Variants in BTAF1 observed in about 807,000 individuals in gnomAD.
BTAF1 encodes TATA-binding protein-associated factor 172.
A neutral mutation model predicts 227.1 loss-of-function variants in BTAF1; 38 were observed. The ratio of observed to expected loss-of-function variants is 0.17; its 90% CI spans 0.13 to 0.22. The LOEUF (loss-of-function observed/expected upper bound fraction) is 0.22. Among genes scored for constraint, BTAF1 ranks in the 10% least tolerant of loss-of-function variants. The pLI is 1.00. For missense variants in BTAF1, 1,598 were observed against 2,204.0 expected, an observed-to-expected ratio of 0.73 and a Z score of 5.51; for synonymous variants, 742 against 751.9, an observed-to-expected ratio of 0.99 and a Z score of 0.21.
chr10:92,021,762 T>G (rs995964591), intron 34 of BTAF1, among the ~76,000 whole-genome samples: 4 of 152,032 alleles, frequency 2.6e-5, no homozygotes, highest in African/African-American at 9.7e-5. Flanking sequence ...GCCAGGATGG[T>G]CTCGCTCTCC....
chr10:92,004,829 C>T (rs1849771503), intron 25 of BTAF1, among the ~76,000 whole-genome samples: 1 of 152,070 alleles, frequency 6.6e-6, no homozygotes, highest in Non-Finnish European at 1.5e-5. Context: ...TTGTCCAGAC[C>T]AGTGTCAAAA....
intron 1 of BTAF1, among the ~76,000 whole-genome samples, chr10:91,925,659 C>T (rs1239092171): frequency 6.6e-6 from 1 of 151,962 alleles, no homozygotes; most frequent in East Asian, 1.9e-4. Context: ...CCACAGGCAC[C>T]CGCCACCACA....
At chr10:92,009,871 T>C (rs564186194) in intron 28 of BTAF1, among the ~76,000 whole-genome samples, 1 of 152,344 alleles carries the variant, frequency 6.6e-6, no homozygotes, top group East Asian at 1.9e-4. Context: ...TGGAAGCTCA[T>C]TGATTTCAGC....
intron 1 of BTAF1, among the ~76,000 whole-genome samples, chr10:91,932,843 A>T (rs1475786287): frequency 1.3e-5 from 2 of 152,230 alleles, no homozygotes; most frequent in Admixed American, 6.5e-5. Flanking sequence ...AGCACATTTT[A>T]TTCTCTTGTT....
intron 14 of BTAF1, among the ~76,000 whole-genome samples, chr10:91,973,125 T>G (rs1293724235): frequency 1.3e-5 from 2 of 152,218 alleles, no homozygotes; most frequent in African/African-American, 4.8e-5. Flanking sequence ...TCCTAATTAG[T>G]CAGCAATCCT....
Position 92,030,059 on chromosome 10 carries a change from C to T in BTAF1, c.*1126C>T, listed in dbSNP as rs1851798382. 6.6e-6 allele frequency: 1 copy of T among 152,328 alleles called. No individual in the cohort carries two copies. Among genetic ancestry groups the T allele is most frequent in the Non-Finnish European group, 1.5e-5 (1 of 67,922 alleles). The allele number at this position is 152,328 out of a possible 1,614,324, so 9.4% of individuals were successfully genotyped here. A position where few individuals can be genotyped will look rare whatever the true frequency, so the allele number is the denominator to read the frequency against. ...GTTTCACGCATAAATTAATACATGCCTGTGTGCATACATATGTATGGGATA... is the reference window on the plus strand; with the variant it reads ...GTTTCACGCATAAATTAATACATGCTTGTGTGCATACATATGTATGGGATA... On this transcript the variant is annotated 3_prime_UTR_variant, in exon 38 of 38. Coordinates refer to ENST00000265990, the MANE Select transcript of BTAF1 (RefSeq NM_003972.3).
intron 25 of BTAF1, among the ~76,000 whole-genome samples, chr10:92,000,239 A>G (rs1849427031): frequency 6.6e-6 from 1 of 152,178 alleles, no homozygotes; most frequent in African/African-American, 2.4e-5. Context: ...TTCAACTCCA[A>G]GATCTTCATC....
chr10:91,930,022 T>A (rs1033310732), intron 1 of BTAF1, among the ~76,000 whole-genome samples: 10 of 152,236 alleles, frequency 6.6e-5, no homozygotes, highest in Admixed American at 5.9e-4. Flanking sequence ...TCCTTATTTC[T>A]TTGGCGTATT....
At chr10:91,928,398 G>GA (rs1453582761) in intron 1 of BTAF1, among the ~76,000 whole-genome samples, 1 of 152,054 alleles carries the variant, frequency 6.6e-6, no homozygotes, top group Non-Finnish European at 1.5e-5. Context: ...AATATCACTG[G>GA]AAAATGATAT....
Position 91,997,607 on chromosome 10 carries a change from A to G in BTAF1, c.3516A>G (p.Val1172=). The change falls in exon 25 of 38, where the codon GTA becomes GTG. Residue 1172 remains valine, a synonymous_variant. Coordinates refer to ENST00000265990, the MANE Select transcript of BTAF1 (RefSeq NM_003972.3). ...QEGAIEALAC[V]MEQLDVGIVP... ...TTTCCTTAATCACTTACTCAGGTGT[A>G]ATGGAACAACTAGATGTTGGTATTG... 6.2e-7 allele frequency: 1 copy of G among 1,613,278 alleles called. No homozygotes were observed. Among genetic ancestry groups the G allele is most frequent in the East Asian group, 2.2e-5 (1 of 44,864 alleles).
intron 19 of BTAF1, among the ~76,000 whole-genome samples, chr10:91,987,451 C>G (rs1359116814): frequency 6.6e-6 from 1 of 151,988 alleles, no homozygotes; most frequent in Non-Finnish European, 1.5e-5. Flanking sequence ...CCACTGCGCT[C>G]CAGCCTGGGT....
chr10:92,019,783 T>C (rs1322160869), intron 34 of BTAF1, among the ~76,000 whole-genome samples: 2 of 152,244 alleles, frequency 1.3e-5, no homozygotes, highest in Admixed American at 6.5e-5. Context: ...ATGTGCTTAT[T>C]GGACATTTCC....
intron 32 of BTAF1, 151 bp from the exon 33 acceptor site, chr10:92,016,189 A>G: frequency 1.2e-6 from 1 of 855,926 alleles, no homozygotes; most frequent in Non-Finnish European, 1.7e-6. Flanking sequence ...GATAACCTGT[A>G]ATTCCTGTAG....
rs1251173183 is a variant in BTAF1, at chr10:92,029,810, A to T, written c.*877A>T. ...TAGTAATGCATGGCTGAAGCATAAA[A>T]GGGAGAGAGAATTTCTTTATATACA... is the stretch of plus-strand genomic sequence containing the variant. On this transcript the variant is annotated 3_prime_UTR_variant, in exon 38 of 38. Transcript: ENST00000265990. 2.0e-5 allele frequency: 3 copies of T among 152,472 alleles called. No homozygotes were observed. The South Asian group carries it at 6.2e-4, about 32-fold the overall frequency. The allele number at this position is 152,472 out of a possible 1,614,324, so 9.4% of individuals were successfully genotyped here.
chr10:92,012,770 C>CAAAA (rs202198347), intron 30 of BTAF1, among the ~76,000 whole-genome samples: 16 of 92,628 alleles, frequency 1.7e-4, no homozygotes, highest in East Asian at 3.0e-4. Context: ...GACTCTGTCT[C>CAAAA]AAAAAAAAAA....
chr10:92,011,856 A>T lies in BTAF1; in HGVS notation c.4311+441A>T, dbSNP rs190698637. Among the ~76,000 whole-genome samples the T allele has an allele frequency of 8.3e-3, 1,263 of 152,184 alleles. 10 individuals are homozygous for T. Among genetic ancestry groups the T allele is most frequent in the Non-Finnish European group, 0.014 (924 of 68,016 alleles). On this transcript the variant is annotated intron_variant, in intron 30 of 37. Coordinates refer to ENST00000265990, the MANE Select transcript of BTAF1 (RefSeq NM_003972.3). The stretch of plus-strand genomic sequence containing the variant: ...AGAAGTTTATTTTGTAAAAGGAAGG[A>T]GATAGGTATGTATGTATCTTTAGAT...
At chr10:91,966,391 T>C (rs1220318746) in intron 13 of BTAF1, among the ~76,000 whole-genome samples, 3 of 152,230 alleles carry the variant, frequency 2.0e-5, no homozygotes, top group Non-Finnish European at 4.4e-5. Flanking sequence ...TAGAAGAACC[T>C]GATGTTAGTA....
intron 5 of BTAF1, 49 bp from the exon 6 acceptor site, chr10:91,953,688 C>G: frequency 3.1e-6 from 5 of 1,591,442 alleles, no homozygotes; most frequent in Non-Finnish European, 4.3e-6. Flanking sequence ...ACTATAGGTA[C>G]TTATTTTAAT....
chr10:91,999,692 G>A (rs926659674), intron 25 of BTAF1, among the ~76,000 whole-genome samples: 16 of 152,068 alleles, frequency 1.1e-4, no homozygotes, highest in Non-Finnish European at 2.1e-4. Flanking sequence ...CACACCTGGC[G>A]AAGAATATAA....
Sources: allele counts gnomAD v4.1 joint callset (sites outside exome capture counted in the v4.1 genomes callset), GRCh38; gene constraint gnomAD v4.1.1; transcripts MANE v1.5; gene names NCBI Gene and HGNC (gene_info 2026-07-23, HGNC 2026-07-21).